Variants in ACBD6 observed in about 807,000 individuals in gnomAD.
ACBD6 encodes acyl-CoA binding domain containing 6, also known as acyl-CoA-binding domain-containing protein 6.
ACBD6 carries 28 observed loss-of-function variants against 37.2 expected under a neutral mutation model. That is an observed-to-expected ratio of 0.75 (90% CI 0.56 to 1.03). ACBD6 has a LOEUF of 1.03. Among genes scored for constraint, ACBD6 ranks in the 50% least tolerant of loss-of-function variants. The probability of loss-of-function intolerance (pLI) is 0.00; values close to 1 mark genes in which losing one functional copy is unlikely to be tolerated. For synonymous variants in ACBD6, 113 were observed against 126.8 expected (o/e 0.89, Z 0.73); for missense variants, 340 against 337.4 (o/e 1.01, Z -0.06).
At position 180,502,373 on chromosome 1, in the gene ACBD6, C is replaced by G; in HGVS notation, c.-107G>C. The G allele has an allele frequency of 8.1e-7, 1 of 1,231,342 alleles. No individual in the cohort carries two copies. Among genetic ancestry groups the G allele is most frequent in the Non-Finnish European group, 1.2e-6 (1 of 856,608 alleles). The allele number at this position is 1,231,342 out of a possible 1,614,324, so 76.3% of individuals were successfully genotyped here. On this transcript the variant is annotated 5_prime_UTR_variant, in exon 1 of 8. Coordinates refer to ENST00000367595, the MANE Select transcript of ACBD6 (RefSeq NM_032360.4). ...CCAGTCTGGGTCGCGAGCCTGAGCTCCAGTCGGACCCAAGCTCAGTCGCGG... is the reference window on the plus strand; with the variant it reads ...CCAGTCTGGGTCGCGAGCCTGAGCTGCAGTCGGACCCAAGCTCAGTCGCGG...
intron 6 of ACBD6, among the ~76,000 whole-genome samples, chr1:180,319,178 T>C (rs1456014043): frequency 1.3e-5 from 2 of 152,220 alleles, no homozygotes; most frequent in African/African-American, 4.8e-5. Flanking sequence ...ACACATACTT[T>C]ATGTTCTTAT....
intron 7 of ACBD6, among the ~76,000 whole-genome samples, chr1:180,292,612 G>C (rs1271809483): frequency 6.8e-6 from 1 of 148,140 alleles, no homozygotes; most frequent in Non-Finnish European, 1.5e-5. Context: ...ACTTATTCTA[G>C]GTTTTTTTTT....
intron 6 of ACBD6, among the ~76,000 whole-genome samples, chr1:180,340,289 TG>T (rs1014298395): frequency 6.6e-6 from 1 of 152,178 alleles, no homozygotes; most frequent in African/African-American, 2.4e-5. Context: ...AGGATCACTC[TG>T]GCTGCTAGGT....
chr1:180,347,360 G>GTTTTT (rs775301259), intron 6 of ACBD6, among the ~76,000 whole-genome samples: 1 of 49,070 alleles, frequency 2.0e-5, no homozygotes, highest in African/African-American at 5.0e-5. Flanking sequence ...TCAACAGAAA[G>GTTTTT]TTTTTTTTTT....
intron 3 of ACBD6, among the ~76,000 whole-genome samples, chr1:180,475,581 T>TG (rs1217475708): frequency 3.9e-5 from 6 of 152,088 alleles, no homozygotes; most frequent in African/African-American, 1.2e-4. Flanking sequence ...GATGAGGTCT[T>TG]GCTGTATTGC....
chr1:180,303,748 T>G (rs1650234590), intron 7 of ACBD6, among the ~76,000 whole-genome samples: 1 of 150,794 alleles, frequency 6.6e-6, no homozygotes, highest in Non-Finnish European at 1.5e-5. Flanking sequence ...CCTCCCTAAC[T>G]CATTTTATGA....
rs1007234494 is a variant in ACBD6, at chr1:180,318,165, C to G, written c.664-3443G>C. Among the ~76,000 whole-genome samples the G allele has an allele frequency of 4.2e-5, 3 of 72,192 alleles. 1 individual carries two copies. The highest frequency in any genetic ancestry group is 2.3e-4 in the Admixed American group (2 of 8,840). 47.4% of individuals were successfully genotyped at this position (72,192 alleles called of 152,430 possible). ...TGACAGAGTAAGATTCCATCTCCGCCCCCCCCCCCCAAAAAAAAAAGAAAG... is the reference window on the plus strand; with the variant it reads ...TGACAGAGTAAGATTCCATCTCCGCGCCCCCCCCCCAAAAAAAAAAGAAAG... On this transcript the variant is annotated intron_variant, in intron 6 of 7. Coordinates refer to ENST00000367595, the MANE Select transcript of ACBD6 (RefSeq NM_032360.4).
intron 6 of ACBD6, among the ~76,000 whole-genome samples, chr1:180,339,536 T>A (rs1465145582): frequency 3.4e-4 from 5 of 14,834 alleles, no homozygotes; most frequent in African/African-American, 6.9e-4. Flanking sequence ...TGTTGTAGGG[T>A]GGAAGGAGGG....
chr1:180,314,955 C>T (rs1291216626), intron 6 of ACBD6, among the ~76,000 whole-genome samples: 1 of 152,140 alleles, frequency 6.6e-6, no homozygotes, highest in Non-Finnish European at 1.5e-5. Flanking sequence ...AACAGGATGA[C>T]CAGTTACTCC....
chr1:180,279,607 G>A (rs1288564059), intron 9 of ACBD6, among the ~76,000 whole-genome samples: 2 of 152,044 alleles, frequency 1.3e-5, no homozygotes, highest in Non-Finnish European at 2.9e-5. Context: ...CTGTCCAGTA[G>A]CATTTTAAAA....
At chr1:180,431,720 G>C (rs1036336725) in intron 3 of ACBD6, among the ~76,000 whole-genome samples, 2 of 151,952 alleles carry the variant, frequency 1.3e-5, no homozygotes, top group Non-Finnish European at 2.9e-5. Flanking sequence ...CTTGGCGCTC[G>C]AGATGATAAC....
At chr1:180,456,726 T>A (rs549180026) in intron 3 of ACBD6, among the ~76,000 whole-genome samples, 5 of 152,138 alleles carry the variant, frequency 3.3e-5, no homozygotes, top group South Asian at 2.1e-4. Flanking sequence ...TGTTGATCTT[T>A]AAAATTTTTT....
intron 6 of ACBD6, among the ~76,000 whole-genome samples, chr1:180,361,773 A>T (rs773446157): frequency 6.6e-5 from 10 of 152,208 alleles, no homozygotes; most frequent in Non-Finnish European, 1.5e-4. Context: ...AACCAGGGTT[A>T]TTTATATGTT....
chr1:180,371,811 A>G (rs1251491241), intron 6 of ACBD6, among the ~76,000 whole-genome samples: 1 of 152,196 alleles, frequency 6.6e-6, no homozygotes, highest in Non-Finnish European at 1.5e-5. Context: ...CTAATCTGTC[A>G]CAATTATTTA....
intron 7 of ACBD6, among the ~76,000 whole-genome samples, chr1:180,289,582 T>TA (rs1357183369): frequency 6.6e-6 from 1 of 152,242 alleles, no homozygotes; most frequent in Non-Finnish European, 1.5e-5. Flanking sequence ...CTAGTAATTC[T>TA]ACTTCTAGTT....
intron 6 of ACBD6, among the ~76,000 whole-genome samples, chr1:180,325,646 T>C (rs1014101487): frequency 6.6e-5 from 10 of 152,184 alleles, no homozygotes; most frequent in Admixed American, 3.9e-4. Context: ...CGTTTAAACA[T>C]TGAAGAGTTA....
chr1:180,292,543 T>A (rs1383824757), intron 7 of ACBD6, among the ~76,000 whole-genome samples: 1 of 152,192 alleles, frequency 6.6e-6, no homozygotes, highest in Non-Finnish European at 1.5e-5. Flanking sequence ...ATTACTAGTA[T>A]ATAGGAATAC....
At chr1:180,425,935 G>C (rs952794119) in intron 4 of ACBD6, among the ~76,000 whole-genome samples, 2 of 151,986 alleles carry the variant, frequency 1.3e-5, no homozygotes, top group African/African-American at 4.8e-5. Context: ...ATCAGGACTA[G>C]ACAGCAGCCA....
intron 6 of ACBD6, among the ~76,000 whole-genome samples, chr1:180,339,288 C>G (rs1317866187): frequency 6.6e-6 from 1 of 152,156 alleles, no homozygotes. Flanking sequence ...ACCCAAATGT[C>G]CATCAGTGAC....
Sources: allele counts gnomAD v4.1 joint callset (sites outside exome capture counted in the v4.1 genomes callset), GRCh38; gene constraint gnomAD v4.1.1; transcripts MANE v1.5; gene names NCBI Gene and HGNC (gene_info 2026-07-23, HGNC 2026-07-21).